The following FBXL7 variants were observed in gnomAD, a reference collection of about 807,000 sequenced individuals.
The protein encoded by FBXL7 is F-box/LRR-repeat protein 7.
FBXL7 carries 12 observed loss-of-function variants against 38.3 expected under a neutral mutation model. The observed-to-expected ratio is 0.31, with a 90% confidence interval of 0.20 to 0.51. The LOEUF (loss-of-function observed/expected upper bound fraction) is 0.51, where lower values mean the gene tolerates loss of function less well. FBXL7 is among the 20% of genes least tolerant of loss of function. The pLI is 0.98. For missense variants in FBXL7, 567 were observed against 676.4 expected (o/e 0.84, Z 1.79); for synonymous variants, 297 against 300.9 (o/e 0.99, Z 0.13).
intron 2 of FBXL7, among the ~76,000 whole-genome samples, chr5:15,644,196 C>T (rs535681660): frequency 2.0e-5 from 3 of 151,878 alleles, no homozygotes; most frequent in East Asian, 1.9e-4. Context: ...CAGTGGCCCA[C>T]GCCTGTAATC....
chr5:15,585,182 AC>A (rs1217550235), intron 1 of FBXL7, among the ~76,000 whole-genome samples: 1 of 152,218 alleles, frequency 6.6e-6, no homozygotes, highest in African/African-American at 2.4e-5. Flanking sequence ...AGCCTCCAAC[AC>A]ATTCTATAAG....
chr5:15,928,469 T>G lies in FBXL7; in HGVS notation c.707T>G (p.Leu236Arg). 1 of 1,613,188 alleles carries G rather than the reference T, an allele frequency of 6.2e-7. No individual in the cohort carries two copies. The highest frequency in any genetic ancestry group is 1.3e-5 in the African/African-American group (1 of 75,040). ...SNEAVFDVVS[L>R]CPNLEHLDVS... ...GAGGCCGTCTTTGATGTGGTGTCCC[T>G]CTGCCCTAATCTGGAGCACCTGGAT... The change falls in exon 3 of 4, where the codon CTC becomes CGC. Residue 236 changes from leucine (L) to arginine (R), a missense_variant. Transcript: ENST00000504595. This position sits in a 1 kb window ranked among gnomAD's most constrained non-coding sequence, Gnocchi z 4.0.
intron 1 of FBXL7, among the ~76,000 whole-genome samples, chr5:15,525,190 T>C (rs1328785208): frequency 6.6e-6 from 1 of 152,194 alleles, no homozygotes; most frequent in Non-Finnish European, 1.5e-5. Context: ...GAGTTGAAAG[T>C]TCCTGGCACC....
At chr5:15,700,544 C>T (rs879388755) in intron 2 of FBXL7, among the ~76,000 whole-genome samples, 2 of 152,154 alleles carry the variant, frequency 1.3e-5, no homozygotes, top group Admixed American at 6.5e-5. Flanking sequence ...AGAATTGGGC[C>T]TTCATGTGTC....
intron 3 of FBXL7, among the ~76,000 whole-genome samples, chr5:15,931,595 T>C: frequency 6.6e-6 from 1 of 152,148 alleles, no homozygotes; most frequent in East Asian, 1.9e-4. Flanking sequence ...CTCCAATAAT[T>C]GCTCCCTATG....
chr5:15,569,498 G>A (rs1183773743), intron 1 of FBXL7, among the ~76,000 whole-genome samples: 1,678 of 150,840 alleles, frequency 0.011, 17 homozygotes, highest in African/African-American at 0.024. Flanking sequence ...GGGCTGAGAC[G>A]ATGGGGTTTT....
intron 2 of FBXL7, among the ~76,000 whole-genome samples, chr5:15,752,653 T>C (rs964674481): frequency 2.0e-5 from 3 of 152,250 alleles, no homozygotes; most frequent in Non-Finnish European, 4.4e-5. Context: ...TGCATCTTGA[T>C]ATGCAATAAA....
intron 1 of FBXL7, among the ~76,000 whole-genome samples, chr5:15,513,213 G>T (rs2126359641): frequency 6.6e-6 from 1 of 151,786 alleles, no homozygotes; most frequent in South Asian, 2.1e-4. Flanking sequence ...CATGAGAATA[G>T]ATTTAAATAA....
At chr5:15,515,373 C>T (rs556581399) in intron 1 of FBXL7, among the ~76,000 whole-genome samples, 59 of 152,328 alleles carry the variant, frequency 3.9e-4, no homozygotes, top group African/African-American at 1.3e-3. Flanking sequence ...TGGCTGCTGC[C>T]ATTGGTGCTG....
intron 1 of FBXL7, among the ~76,000 whole-genome samples, chr5:15,544,500 A>G (rs1442536494): frequency 6.6e-6 from 1 of 152,170 alleles, no homozygotes; most frequent in Non-Finnish European, 1.5e-5. Flanking sequence ...CAGTTGCTCT[A>G]TGTCATTGAG....
At chr5:15,512,754 T>G (rs2126359004) in intron 1 of FBXL7, among the ~76,000 whole-genome samples, 1 of 152,314 alleles carries the variant, frequency 6.6e-6, no homozygotes, top group South Asian at 2.1e-4. Flanking sequence ...TTTACAGTAT[T>G]GTTGACCTAT....
In FBXL7 at chr5:15,918,698, G is replaced by A. The variant is rs114558882; in HGVS notation, c.128-9192G>A. On this transcript the variant is annotated intron_variant, in intron 2 of 3. Coordinates refer to ENST00000504595, the MANE Select transcript of FBXL7 (RefSeq NM_012304.5). ...ATATTACATGAGTTCCACCATCCTCGCCAATTTCCCACACATCAGTCACCA... is the reference window on the plus strand; with the variant it reads ...ATATTACATGAGTTCCACCATCCTCACCAATTTCCCACACATCAGTCACCA... Among the ~76,000 whole-genome samples the A allele has an allele frequency of 4.2e-3, 647 of 152,264 alleles. 5 individuals are homozygous for A. Among genetic ancestry groups the A allele is most frequent in the African/African-American group, 0.015 (606 of 41,540 alleles).
At chr5:15,906,258 T>C (rs181480349) in intron 2 of FBXL7, among the ~76,000 whole-genome samples, 99 of 152,178 alleles carry the variant, frequency 6.5e-4, no homozygotes, top group Admixed American at 2.1e-3. Flanking sequence ...TTAAATTTAT[T>C]TTTTCAAACT....
At chr5:15,532,551 G>A (rs1391065710) in intron 1 of FBXL7, among the ~76,000 whole-genome samples, 4 of 152,214 alleles carry the variant, frequency 2.6e-5, no homozygotes, top group Non-Finnish European at 4.4e-5. Context: ...ATTAAGGCTA[G>A]ATAGAAATCA....
intron 2 of FBXL7, among the ~76,000 whole-genome samples, chr5:15,899,623 A>G (rs1741186490): frequency 1.3e-5 from 2 of 152,214 alleles, no homozygotes; most frequent in South Asian, 2.1e-4. Flanking sequence ...CCTGGAGAAC[A>G]ACCATATCAA....
chr5:15,918,233 C>T (rs1048758372), intron 2 of FBXL7, among the ~76,000 whole-genome samples: 10 of 151,712 alleles, frequency 6.6e-5, no homozygotes, highest in African/African-American at 1.5e-4. Context: ...GGTGAGATTC[C>T]GTCTCAAAAG....
intron 2 of FBXL7, among the ~76,000 whole-genome samples, chr5:15,897,307 T>C (rs959317797): frequency 2.6e-5 from 4 of 152,230 alleles, no homozygotes; most frequent in African/African-American, 9.6e-5. Flanking sequence ...CTAACGCCTT[T>C]GTTCGTCTTA....
intron 2 of FBXL7, among the ~76,000 whole-genome samples, chr5:15,918,219 A>G (rs576372373): frequency 6.6e-6 from 1 of 152,314 alleles, no homozygotes; most frequent in South Asian, 2.1e-4. Flanking sequence ...AGCCTGGGTG[A>G]CAGGGTGAGA....
intron 2 of FBXL7, among the ~76,000 whole-genome samples, chr5:15,922,736 T>C (rs2126448725): frequency 6.6e-6 from 1 of 152,330 alleles, no homozygotes; most frequent in Middle Eastern, 3.4e-3. Context: ...CATCTCACCG[T>C]CTTGCCTAAA....
Sources: allele counts gnomAD v4.1 joint callset (sites outside exome capture counted in the v4.1 genomes callset), GRCh38; gene constraint gnomAD v4.1.1; non-coding constraint Gnocchi (gnomAD v3.1); transcripts MANE v1.5; gene names NCBI Gene and HGNC (gene_info 2026-07-23, HGNC 2026-07-21).